Variants in POF1B observed in about 807,000 individuals in gnomAD.
POF1B encodes the protein POF1B actin binding protein.
A neutral mutation model predicts 55.3 loss-of-function variants in POF1B; 53 were observed. The observed-to-expected ratio is 0.96, with a 90% CI of 0.77 to 1.20. The LOEUF is 1.20. POF1B is among the 50% of genes most tolerant of loss of function. The probability of loss-of-function intolerance (pLI) is 0.00; values close to 1 mark genes in which losing one functional copy is unlikely to be tolerated. For synonymous variants in POF1B, 188 were observed against 148.3 expected, an observed-to-expected ratio of 1.27 and a Z score of -1.95; for missense variants, 478 against 420.5, an observed-to-expected ratio of 1.14 and a Z score of -1.20.
intron 7 of POF1B, among the ~76,000 whole-genome samples, chrX:85,322,576 A>G (rs1932850501): frequency 8.9e-6 from 1 of 112,025 alleles, no homozygotes; most frequent in African/African-American, 3.2e-5. Context: ...ATGGCAACAA[A>G]AGCCAAAATT....
chrX:85,358,761 G>A (rs1315156116), intron 4 of POF1B, among the ~76,000 whole-genome samples: 3 of 110,740 alleles, frequency 2.7e-5, no homozygotes, highest in Non-Finnish European at 5.7e-5. Flanking sequence ...TATTTAGAAG[G>A]CTCAGCTTAT....
At chrX:85,347,922 T>C in intron 5 of POF1B, among the ~76,000 whole-genome samples, 1 of 111,205 alleles carries the variant, frequency 9.0e-6, no homozygotes, top group Non-Finnish European at 1.9e-5. Flanking sequence ...ACTGATAGTC[T>C]GAGATGACTA....
chrX:85,283,910 TA>T (rs1018402793), intron 15 of POF1B, among the ~76,000 whole-genome samples: 3 of 110,795 alleles, frequency 2.7e-5, no homozygotes, highest in South Asian at 3.7e-4. Context: ...AGTACTTTTT[TA>T]AAAAAAATGT....
In POF1B at chrX:85,287,807, A is replaced by G. The variant is rs769649856; in HGVS notation, c.1650-5490T>C. ...CATGAGAAAAGAAATGTATAGGCTA[A>G]TATCACTAGTAGAATACAGGTGTCA... On this transcript the variant is annotated intron_variant, in intron 15 of 16. Coordinates refer to ENST00000262753, the MANE Select transcript of POF1B (RefSeq NM_024921.4). Among the ~76,000 whole-genome samples the G allele has an allele frequency of 2.7e-5, 3 of 112,008 alleles. No individual in the cohort carries two copies. In the East Asian group the frequency reaches 8.5e-4, roughly 32 times the overall value.
intron 16 of POF1B, among the ~76,000 whole-genome samples, chrX:85,281,751 C>G (rs1403344337): frequency 3.7e-5 from 4 of 107,646 alleles, no homozygotes; most frequent in African/African-American, 1.3e-4. Flanking sequence ...ATATAAAATC[C>G]ACAGGAATAA....
chrX:85,341,555 C>A (rs1411444330), intron 6 of POF1B, among the ~76,000 whole-genome samples: 1 of 110,319 alleles, frequency 9.1e-6, no homozygotes, highest in East Asian at 2.8e-4. Context: ...AAAAGATAGG[C>A]CCCAAATGGA....
intron 7 of POF1B, among the ~76,000 whole-genome samples, chrX:85,330,191 G>T (rs1932951905): frequency 9.2e-6 from 1 of 108,315 alleles, no homozygotes; most frequent in South Asian, 3.9e-4. Flanking sequence ...ACAAAATATG[G>T]TCTCATCTAC....
At chrX:85,359,520 A>G in intron 4 of POF1B, 30 bp downstream of exon 4, 1 of 1,063,089 alleles carries the variant, frequency 9.4e-7, no homozygotes, top group Non-Finnish European at 1.3e-6. Flanking sequence ...CTTCTAAAGA[A>G]TTATATGTTG....
intron 2 of POF1B, among the ~76,000 whole-genome samples, chrX:85,377,306 A>G (rs1332916116): frequency 1.8e-5 from 2 of 111,767 alleles, no homozygotes; most frequent in Non-Finnish European, 3.8e-5. Flanking sequence ...AAAATAAAAT[A>G]GAAGAGTTTC....
At chrX:85,363,868 C>T (rs1195820694) in intron 3 of POF1B, among the ~76,000 whole-genome samples, 3 of 111,169 alleles carry the variant, frequency 2.7e-5, no homozygotes, top group Non-Finnish European at 5.7e-5. Context: ...CCACTATTAT[C>T]GCATGGGAGT....
intron 7 of POF1B, among the ~76,000 whole-genome samples, chrX:85,328,847 AAAC>A (rs1480118896): frequency 3.8e-5 from 4 of 105,156 alleles, no homozygotes; most frequent in African/African-American, 1.6e-4. Flanking sequence ...AAAAAAAACA[AAAC>A]AAACAAACAA....
At position 85,329,543 on chromosome X, in the gene POF1B, C is replaced by A. The variant is rs180966164; in HGVS notation, c.854+1406G>T. On this transcript the variant is annotated intron_variant, in intron 7 of 16. Transcript: ENST00000262753. ...AGTAAACCAGCCACCACACTATGCA[C>A]CAAGGACATCAGGGTAAATAAAGCA... is the stretch of plus-strand genomic sequence containing the variant. Among the ~76,000 whole-genome samples the A allele has an allele frequency of 4.3e-3, 476 of 110,366 alleles. 1 individual carries two copies. Among genetic ancestry groups the A allele is most frequent in the African/African-American group, 0.015 (451 of 30,377 alleles).
chrX:85,289,288 AC>A (rs777342250), intron 15 of POF1B, among the ~76,000 whole-genome samples: 48 of 111,760 alleles, frequency 4.3e-4, no homozygotes, highest in African/African-American at 1.5e-3. Context: ...CTTAAATGTA[AC>A]CTCTAACAAA....
chrX:85,339,510 A>T (rs1933133994), intron 6 of POF1B, among the ~76,000 whole-genome samples: 1 of 111,627 alleles, frequency 9.0e-6, no homozygotes, highest in Admixed American at 9.5e-5. Context: ...AATAGAATAG[A>T]TTAGCAGTGC....
At chrX:85,326,117 C>A (rs1351783336) in intron 7 of POF1B, among the ~76,000 whole-genome samples, 2 of 112,083 alleles carry the variant, frequency 1.8e-5, no homozygotes, top group Non-Finnish European at 3.8e-5. Flanking sequence ...CCACCATACT[C>A]CGTAGAGTGG....
intron 6 of POF1B, among the ~76,000 whole-genome samples, chrX:85,342,818 G>A (rs1933196956): frequency 9.0e-6 from 1 of 111,314 alleles, no homozygotes; most frequent in Non-Finnish European, 1.9e-5. Flanking sequence ...CAGGGGACAT[G>A]TAAACACCAA....
intron 8 of POF1B, 150 bp from the exon 9 acceptor site, chrX:85,314,656 G>A: frequency 3.2e-6 from 1 of 309,174 alleles, no homozygotes; most frequent in Non-Finnish European, 5.5e-6. Flanking sequence ...TTAATTTATA[G>A]CCTTATCAGT....
intron 3 of POF1B, among the ~76,000 whole-genome samples, chrX:85,361,873 C>T (rs1483279632): frequency 1.8e-5 from 2 of 110,547 alleles, no homozygotes; most frequent in Non-Finnish European, 3.8e-5. Flanking sequence ...TTTGTGTCAT[C>T]TCTGATTTCT....
chrX:85,379,328 G>T lies in POF1B; in HGVS notation c.127C>A (p.Pro43Thr), dbSNP rs1297468678. The T allele has an allele frequency of 5.0e-6, 6 of 1,210,070 alleles. No homozygotes were observed. Among genetic ancestry groups the T allele is most frequent in the Non-Finnish European group, 6.7e-6 (6 of 895,154 alleles). Reference protein sequence around the residue: ...YHQSSQAQQPPEKNVVYERVR... With the variant: ...YHQSSQAQQPTEKNVVYERVR... ...CGCTCATACACTACATTTTTTTCTG[G>T]AGGCTGCTGGGCTTGGCTTGACTGA... Residue 43 changes from proline (P) to threonine (T), a missense_variant, in exon 2 of 17, where the codon CCA (proline) becomes ACA (threonine). Coordinates refer to ENST00000262753, the MANE Select transcript of POF1B (RefSeq NM_024921.4).
Sources: gnomAD v4.1 joint callset for allele counts (sites outside exome capture counted in the v4.1 genomes callset) on GRCh38, gnomAD v4.1.1 for gene constraint, MANE v1.5 for transcripts, NCBI Gene and HGNC (gene_info 2026-07-23, HGNC 2026-07-21) for gene names.